Variants in ASIC2 observed in about 807,000 individuals in gnomAD.
The protein encoded by ASIC2 is acid sensing ion channel subunit 2, also known as acid-sensing ion channel 2.
In ASIC2, 25 loss-of-function variants were observed where a neutral mutation model predicts 57.3. The ratio of observed to expected loss-of-function variants is 0.44; its 90% CI spans 0.32 to 0.61. The LOEUF (loss-of-function observed/expected upper bound fraction) is 0.61. Among genes scored for constraint, ASIC2 ranks in the 20% least tolerant of loss-of-function variants. ASIC2 has a pLI of 0.06. For missense variants in ASIC2, 641 were observed against 738.1 expected, an observed-to-expected ratio of 0.87 and a Z score of 1.52; for synonymous variants, 319 against 307.5, an observed-to-expected ratio of 1.04 and a Z score of -0.39.
chr17:34,094,094 A>G (rs2142090787), intron 1 of ASIC2, among the ~76,000 whole-genome samples: 1 of 152,326 alleles, frequency 6.6e-6, no homozygotes, highest in African/African-American at 2.4e-5. Flanking sequence ...TGAACAAACA[A>G]GTAATAAAGA....
intron 1 of ASIC2, among the ~76,000 whole-genome samples, chr17:33,755,172 C>A (rs1450203420): frequency 6.6e-6 from 1 of 151,904 alleles, no homozygotes; most frequent in Non-Finnish European, 1.5e-5. Context: ...AAGGAGAGGA[C>A]AATGTGAAGA....
chr17:33,486,852 G>A (rs1281415245), intron 1 of ASIC2, among the ~76,000 whole-genome samples: 1 of 152,172 alleles, frequency 6.6e-6, no homozygotes, highest in Non-Finnish European at 1.5e-5. Context: ...CTGAAGACAG[G>A]AGGGAGAACC....
intron 1 of ASIC2, among the ~76,000 whole-genome samples, chr17:33,514,662 A>T (rs1250236462): frequency 1.3e-5 from 2 of 152,196 alleles, no homozygotes; most frequent in African/African-American, 4.8e-5. Context: ...ATGGGATCCC[A>T]TACCATTACA....
chr17:33,735,709 C>A (rs556605338), intron 1 of ASIC2, among the ~76,000 whole-genome samples: 1 of 152,086 alleles, frequency 6.6e-6, no homozygotes, highest in Admixed American at 6.5e-5. Context: ...ACAGCGGCTA[C>A]CCACCTCCAT....
intron 1 of ASIC2, among the ~76,000 whole-genome samples, chr17:33,853,580 G>A (rs1240638300): frequency 6.6e-6 from 1 of 152,198 alleles, no homozygotes; most frequent in Non-Finnish European, 1.5e-5. Context: ...TAAGAGTCAT[G>A]GGTGGCCCAT....
intron 1 of ASIC2, among the ~76,000 whole-genome samples, chr17:33,954,689 C>A (rs1904679482): frequency 6.6e-6 from 1 of 152,230 alleles, no homozygotes; most frequent in Non-Finnish European, 1.5e-5. Flanking sequence ...TCACCCCCAG[C>A]TCTGCCACGA....
At chr17:33,259,600 A>G (rs1019376522) in intron 1 of ASIC2, among the ~76,000 whole-genome samples, 3 of 152,030 alleles carry the variant, frequency 2.0e-5, no homozygotes, top group African/African-American at 7.2e-5. Context: ...AAAGATACCA[A>G]AACAGCAAGA....
rs181805108 is a variant in ASIC2, at chr17:34,130,191, T to G, written c.555+25787A>C. On this transcript the variant is annotated intron_variant, in intron 1 of 9. Transcript: ENST00000359872. ...CTCTGACTGAGCCTGTCACACACTT[T>G]TCAAGGCGAGATCATTAGAGGCAGT... Among the ~76,000 whole-genome samples, 48 of 152,300 alleles carry G rather than the reference T, an allele frequency of 3.2e-4. 1 individual carries two copies. The highest frequency in any genetic ancestry group is 1.1e-3 in the African/African-American group (46 of 41,566).
At chr17:33,868,492 A>G (rs1003425353) in intron 1 of ASIC2, among the ~76,000 whole-genome samples, 3 of 46,268 alleles carry the variant, frequency 6.5e-5, no homozygotes, top group Non-Finnish European at 1.2e-4. Flanking sequence ...AGCTAAAAAT[A>G]TAAAACTATT....
chr17:33,203,450 G>A (rs772652167), intron 1 of ASIC2, among the ~76,000 whole-genome samples: 19 of 152,164 alleles, frequency 1.2e-4, no homozygotes, highest in African/African-American at 3.9e-4. Context: ...AGAATGATGC[G>A]AAGAAATGTT....
chr17:33,501,425 C>T (rs1204951803), intron 1 of ASIC2, among the ~76,000 whole-genome samples: 1 of 152,192 alleles, frequency 6.6e-6, no homozygotes, highest in African/African-American at 2.4e-5. Context: ...TGCCCAACCC[C>T]TACCTTGTCT....
chr17:33,286,245 A>G (rs1234715601), intron 1 of ASIC2, among the ~76,000 whole-genome samples: 3 of 152,228 alleles, frequency 2.0e-5, no homozygotes, highest in East Asian at 1.9e-4. Context: ...CTTTCAGTAC[A>G]TATGAGTGGT....
At chr17:33,623,028 G>A (rs1490912261) in intron 1 of ASIC2, among the ~76,000 whole-genome samples, 1 of 152,220 alleles carries the variant, frequency 6.6e-6, no homozygotes, top group Admixed American at 6.5e-5. Context: ...CAGAGACTTG[G>A]GCGATTGCTT....
At chr17:33,766,159 A>G (rs1043709392) in intron 1 of ASIC2, among the ~76,000 whole-genome samples, 2 of 152,210 alleles carry the variant, frequency 1.3e-5, no homozygotes, top group African/African-American at 4.8e-5. Context: ...AGAGAGAGAG[A>G]GGCCACATTT....
At chr17:33,798,236 G>A (rs897158837) in intron 1 of ASIC2, among the ~76,000 whole-genome samples, 1 of 152,130 alleles carries the variant, frequency 6.6e-6, no homozygotes, top group Non-Finnish European at 1.5e-5. Context: ...AGGAAAGGGA[G>A]ACAAATGGGA....
chr17:33,661,361 A>G (rs1008071522), intron 1 of ASIC2, among the ~76,000 whole-genome samples: 1 of 152,230 alleles, frequency 6.6e-6, no homozygotes, highest in South Asian at 2.1e-4. Flanking sequence ...CTAGGAGTTT[A>G]AAGACTTGGA....
intron 1 of ASIC2, among the ~76,000 whole-genome samples, chr17:33,713,537 A>C (rs1413929250): frequency 6.6e-6 from 1 of 152,156 alleles, no homozygotes; most frequent in Non-Finnish European, 1.5e-5. Flanking sequence ...TCTTTGTCCA[A>C]ATGTCCCTCT....
chr17:33,072,627 G>A (rs140083907), intron 3 of ASIC2, among the ~76,000 whole-genome samples: 59 of 152,294 alleles, frequency 3.9e-4, no homozygotes, highest in African/African-American at 1.3e-3. Flanking sequence ...GCCAGGTGAC[G>A]TACGTAGGCA....
chr17:34,032,134 G>C (rs563609914), intron 1 of ASIC2, among the ~76,000 whole-genome samples: 2 of 152,188 alleles, frequency 1.3e-5, no homozygotes, highest in African/African-American at 4.8e-5. Context: ...TACCCACAAA[G>C]GGAAACCCAT....
Sources: allele counts gnomAD v4.1 joint callset (sites outside exome capture counted in the v4.1 genomes callset), GRCh38; gene constraint gnomAD v4.1.1; transcripts MANE v1.5; gene names NCBI Gene and HGNC (gene_info 2026-07-23, HGNC 2026-07-21).